The following PHACTR1 variants were observed in gnomAD, a reference collection of about 807,000 sequenced individuals.
PHACTR1 encodes the protein phosphatase and actin regulator 1.
In PHACTR1, 16 loss-of-function variants were observed where a neutral mutation model predicts 69.2. The observed-to-expected ratio is 0.23, with a 90% CI of 0.16 to 0.35. PHACTR1 has a LOEUF of 0.35. PHACTR1 is among the 10% of genes least tolerant of loss of function. The pLI is 1.00. For synonymous variants in PHACTR1, 312 were observed against 284.5 expected (o/e 1.10, Z -0.97); for missense variants, 510 against 734.7 (o/e 0.69, Z 3.54).
chr6:13,278,879 C>T (rs1051376462), intron 12 of PHACTR1, among the ~76,000 whole-genome samples: 1 of 151,242 alleles, frequency 6.6e-6, no homozygotes, highest in African/African-American at 2.4e-5. Flanking sequence ...TGGAGAATTG[C>T]TTGAGCCCAG....
At chr6:12,731,164 C>T (rs964381808) in intron 3 of PHACTR1, among the ~76,000 whole-genome samples, 3 of 151,706 alleles carry the variant, frequency 2.0e-5, no homozygotes, top group African/African-American at 7.3e-5. Flanking sequence ...TACAGGTGCC[C>T]GCCACCATGC....
intron 5 of PHACTR1, among the ~76,000 whole-genome samples, chr6:13,106,467 T>C (rs1053426354): frequency 2.0e-5 from 3 of 152,150 alleles, no homozygotes; most frequent in Non-Finnish European, 4.4e-5. Flanking sequence ...CAGGTGCCCT[T>C]TGTTTATTTT....
At chr6:12,934,371 C>T (rs1789210068) in intron 4 of PHACTR1, among the ~76,000 whole-genome samples, 1 of 152,218 alleles carries the variant, frequency 6.6e-6, no homozygotes, top group Non-Finnish European at 1.5e-5. Context: ...TTCACAAGTA[C>T]TGGATGTTAG....
chr6:12,891,024 T>G (rs1480362747), intron 4 of PHACTR1, among the ~76,000 whole-genome samples: 1 of 152,214 alleles, frequency 6.6e-6, no homozygotes, highest in Non-Finnish European at 1.5e-5. Context: ...AGCCCTGATC[T>G]TCATTCCTTG....
intron 4 of PHACTR1, among the ~76,000 whole-genome samples, chr6:12,779,141 G>A (rs1770480232): frequency 1.3e-5 from 2 of 152,190 alleles, no homozygotes; most frequent in African/African-American, 4.8e-5. Flanking sequence ...TTCGAGACCA[G>A]CCTGACCAAC....
intron 8 of PHACTR1, among the ~76,000 whole-genome samples, chr6:13,225,931 G>A (rs1166768354): frequency 6.6e-6 from 1 of 152,142 alleles, no homozygotes; most frequent in Non-Finnish European, 1.5e-5. Context: ...CTGATAAAAG[G>A]GCTGCTTTGC....
At chr6:12,795,047 C>A (rs1772800195) in intron 4 of PHACTR1, among the ~76,000 whole-genome samples, 1 of 152,136 alleles carries the variant, frequency 6.6e-6, no homozygotes, top group South Asian at 2.1e-4. Context: ...ATCTGAGGAT[C>A]TTGTTAAAAT....
chr6:13,181,913 T>C (rs1487869011), intron 6 of PHACTR1, among the ~76,000 whole-genome samples: 3 of 152,214 alleles, frequency 2.0e-5, no homozygotes, highest in Admixed American at 2.0e-4. Context: ...AAAAAAATAA[T>C]TTTAATTTAC....
chr6:12,994,179 A>G (rs868159091), intron 4 of PHACTR1, among the ~76,000 whole-genome samples: 16 of 152,336 alleles, frequency 1.1e-4, no homozygotes, highest in South Asian at 4.1e-4. Context: ...GATAGAATTA[A>G]TAAACTGGAA....
At chr6:13,019,671 A>G (rs1800687703) in intron 4 of PHACTR1, among the ~76,000 whole-genome samples, 2 of 152,250 alleles carry the variant, frequency 1.3e-5, no homozygotes, top group African/African-American at 4.8e-5. Flanking sequence ...AGGAGAAGAC[A>G]TATTTAAACA....
chr6:12,790,091 T>C (rs1772073819), intron 4 of PHACTR1, among the ~76,000 whole-genome samples: 3 of 152,110 alleles, frequency 2.0e-5, no homozygotes, highest in African/African-American at 7.2e-5. Flanking sequence ...CATTTTTTTC[T>C]CAACATCTAT....
intron 4 of PHACTR1, among the ~76,000 whole-genome samples, chr6:13,041,339 T>TACATACATACACACAC (rs1554113082): frequency 9.6e-4 from 130 of 135,464 alleles, no homozygotes; most frequent in African/African-American, 2.9e-3. Flanking sequence ...TTAAAATACA[T>TACATACATACACACAC]ACACACACAC....
chr6:13,180,139 C>T (rs1150613), intron 6 of PHACTR1, among the ~76,000 whole-genome samples: 72,634 of 152,008 alleles, frequency 0.48, 17,934 homozygotes, highest in East Asian at 0.84. Flanking sequence ...AGCTATAAAA[C>T]TTGGCACACA....
chr6:12,924,284 G>A (rs867925536), intron 4 of PHACTR1, among the ~76,000 whole-genome samples: 11 of 152,114 alleles, frequency 7.2e-5, no homozygotes, highest in South Asian at 4.1e-4. Flanking sequence ...ATGCCAACAT[G>A]TGTTAATTTG....
intron 4 of PHACTR1, among the ~76,000 whole-genome samples, chr6:12,861,124 G>A (rs928571349): frequency 1.3e-5 from 2 of 152,208 alleles, no homozygotes; most frequent in Admixed American, 6.5e-5. Context: ...CTACCAAAAT[G>A]TAAACATTTT....
chr6:13,181,202 G>A (rs1762134360), intron 6 of PHACTR1, among the ~76,000 whole-genome samples: 2 of 152,058 alleles, frequency 1.3e-5, no homozygotes, highest in East Asian at 1.9e-4. Flanking sequence ...CTAATCGGGC[G>A]GGGGTGGGCC....
intron 4 of PHACTR1, among the ~76,000 whole-genome samples, chr6:12,913,144 A>T (rs1180104510): frequency 6.6e-6 from 1 of 152,224 alleles, no homozygotes; most frequent in Non-Finnish European, 1.5e-5. Context: ...AACATTTTAA[A>T]TTGTTCCCAT....
intron 10 of PHACTR1, among the ~76,000 whole-genome samples, chr6:13,232,499 G>A (rs1473617363): frequency 6.6e-6 from 1 of 152,176 alleles, no homozygotes; most frequent in African/African-American, 2.4e-5. Flanking sequence ...AAGTAACATG[G>A]CCTTCTCTTT....
intron 4 of PHACTR1, among the ~76,000 whole-genome samples, chr6:12,780,004 AC>A (rs1770609689): frequency 6.6e-6 from 1 of 152,174 alleles, no homozygotes; most frequent in African/African-American, 2.4e-5. Flanking sequence ...GTGTGTGCCC[AC>A]CCTACTCTAG....
Sources: gnomAD v4.1 joint callset for allele counts (sites outside exome capture counted in the v4.1 genomes callset) on GRCh38, gnomAD v4.1.1 for gene constraint, MANE v1.5 for transcripts, NCBI Gene and HGNC (gene_info 2026-07-23, HGNC 2026-07-21) for gene names.